The following TMEM178B variants were observed in gnomAD, a reference collection of about 807,000 sequenced individuals.
The protein encoded by TMEM178B is transmembrane protein 178B.
Under a neutral mutation model 31.0 loss-of-function variants are expected in TMEM178B, and 5 were observed. The observed-to-expected ratio is 0.16, with a 90% confidence interval of 0.08 to 0.34. TMEM178B has a LOEUF of 0.34. TMEM178B is among the 10% of genes least tolerant of loss of function. The pLI is 1.00. For missense variants in TMEM178B, 275 were observed against 400.3 expected (o/e 0.69, Z 2.67); for synonymous variants, 164 against 164.0 (o/e 1.00, Z 0.00).
chr7:141,437,644 C>A lies in TMEM178B; in HGVS notation c.533C>A (p.Ala178Glu). 2.0e-6 allele frequency: 3 copies of A among 1,536,160 alleles called. No individual in the cohort carries two copies. The highest frequency in any genetic ancestry group is 2.6e-6 in the Non-Finnish European group (3 of 1,146,904). The change falls in exon 3 of 4, where the codon GCG becomes GAG. Residue 178 changes from alanine (A) to glutamate (E), a missense_variant. Coordinates refer to ENST00000565468, the MANE Select transcript of TMEM178B (RefSeq NM_001195278.2). ...ATGACGGCTGGCTTCATGGGCATGG[C>A]GGTGGCCATCATCCTCTTTGGCTGG... is the stretch of plus-strand genomic sequence containing the variant. ...RRMTAGFMGM[A>E]VAIILFGWII... is the part of the protein sequence containing the mutation.
In TMEM178B at chr7:141,186,938, T is replaced by A. The variant is rs190556752; in HGVS notation, c.383-25653T>A. 4.1e-3 allele frequency among the ~76,000 whole-genome samples: 625 copies of A among 152,280 alleles called. 6 individuals are homozygous for A. The highest frequency in any genetic ancestry group is 8.3e-3 in the South Asian group (40 of 4,816). Reference sequence around the variant, plus strand: ...AGCTTCTTTGAGATGATGCTTTTTTTAAAAATTTTATTATTATTATACTTT... The same window carrying A: ...AGCTTCTTTGAGATGATGCTTTTTTAAAAAATTTTATTATTATTATACTTT... On this transcript the variant is annotated intron_variant, in intron 1 of 3. Coordinates refer to ENST00000565468, the MANE Select transcript of TMEM178B (RefSeq NM_001195278.2).
intron 1 of TMEM178B, among the ~76,000 whole-genome samples, chr7:141,108,435 A>C (rs888900096): frequency 3.3e-5 from 5 of 152,214 alleles, no homozygotes; most frequent in African/African-American, 1.2e-4. Flanking sequence ...CTATAGTAGC[A>C]GGAAAGAAAG....
intron 2 of TMEM178B, among the ~76,000 whole-genome samples, chr7:141,253,740 C>T (rs1407431373): frequency 2.0e-5 from 3 of 151,432 alleles, no homozygotes; most frequent in Non-Finnish European, 4.4e-5. Flanking sequence ...TTAGTAGAGA[C>T]GGGGTTTCAC....
At chr7:141,166,074 G>T (rs934716133) in intron 1 of TMEM178B, among the ~76,000 whole-genome samples, 6 of 152,190 alleles carry the variant, frequency 3.9e-5, no homozygotes, top group Non-Finnish European at 8.8e-5. Flanking sequence ...TCCTGAGGAA[G>T]AAAAAGCAGG....
At chr7:141,440,879 G>A (rs1801645010) in intron 3 of TMEM178B, among the ~76,000 whole-genome samples, 1 of 152,196 alleles carries the variant, frequency 6.6e-6, no homozygotes, top group Admixed American at 6.5e-5. Context: ...GTAAAGCCAT[G>A]TCTTCCTGAA....
downstream of TMEM178B, among the ~76,000 whole-genome samples, chr7:141,481,481 T>G (rs919874457): frequency 2.6e-5 from 4 of 151,354 alleles, no homozygotes; most frequent in African/African-American, 7.3e-5. Context: ...CAAGTGGGTG[T>G]GACATAAACC....
chr7:141,243,993 A>C (rs2129194022), intron 2 of TMEM178B, among the ~76,000 whole-genome samples: 1 of 152,264 alleles, frequency 6.6e-6, no homozygotes, highest in East Asian at 1.9e-4. Context: ...GAGCTGGTAG[A>C]AGAGGCAAAA....
the TMEM178B span, among the ~76,000 whole-genome samples, chr7:141,507,691 C>T: frequency 1.3e-5 from 2 of 152,190 alleles, no homozygotes; most frequent in Non-Finnish European, 2.9e-5. Context: ...TTATTGACTT[C>T]TGTGCACCCA....
chr7:141,184,217 A>G (rs748497969), intron 1 of TMEM178B, among the ~76,000 whole-genome samples: 2 of 152,180 alleles, frequency 1.3e-5, no homozygotes, highest in African/African-American at 4.8e-5. Flanking sequence ...ATCTTGAACA[A>G]TATTTTTCAC....
chr7:141,494,840 G>A, the TMEM178B span, among the ~76,000 whole-genome samples: 6 of 152,202 alleles, frequency 3.9e-5, no homozygotes, highest in Non-Finnish European at 8.8e-5. Flanking sequence ...TGTAGGCGCT[G>A]AGATAGTTAT....
At chr7:141,280,171 C>T (rs10276017) in intron 2 of TMEM178B, among the ~76,000 whole-genome samples, 8,079 of 152,234 alleles carry the variant, frequency 0.053, 261 homozygotes, top group Middle Eastern at 0.12. Flanking sequence ...TGGTGGACTC[C>T]CTGCTGGCTT....
chr7:141,218,780 C>T (rs1462898045), intron 2 of TMEM178B, among the ~76,000 whole-genome samples: 1 of 152,180 alleles, frequency 6.6e-6, no homozygotes, highest in Non-Finnish European at 1.5e-5. Context: ...GGGTCCTCCC[C>T]TCCCCACTGG....
At chr7:141,122,263 A>G (rs1795422409) in intron 1 of TMEM178B, among the ~76,000 whole-genome samples, 1 of 152,238 alleles carries the variant, frequency 6.6e-6, no homozygotes, top group Non-Finnish European at 1.5e-5. Context: ...TAGAAAAAAT[A>G]TGCCTTGAGG....
intron 2 of TMEM178B, among the ~76,000 whole-genome samples, chr7:141,390,467 A>G (rs1248406328): frequency 3.3e-5 from 5 of 152,206 alleles, no homozygotes; most frequent in Non-Finnish European, 5.9e-5. Context: ...GAATCAAGTG[A>G]GTTTTACTGG....
chr7:141,188,922 C>G (rs1796654468), intron 1 of TMEM178B, among the ~76,000 whole-genome samples: 1 of 152,246 alleles, frequency 6.6e-6, no homozygotes, highest in African/African-American at 2.4e-5. Flanking sequence ...TAGAAGGTGT[C>G]CCTGAATCCA....
At chr7:141,442,086 C>T (rs1338655096) in intron 3 of TMEM178B, among the ~76,000 whole-genome samples, 1 of 152,226 alleles carries the variant, frequency 6.6e-6, no homozygotes, top group African/African-American at 2.4e-5. Flanking sequence ...CAGGGAAAGA[C>T]TGCAGGCAAG....
chr7:141,223,821 G>C (rs1277408704), intron 2 of TMEM178B, among the ~76,000 whole-genome samples: 2 of 152,158 alleles, frequency 1.3e-5, no homozygotes, highest in African/African-American at 4.8e-5. Flanking sequence ...GAAATATTCT[G>C]TAAGTCTGTG....
intron 1 of TMEM178B, among the ~76,000 whole-genome samples, chr7:141,144,975 T>G (rs1795828907): frequency 1.3e-5 from 2 of 152,206 alleles, no homozygotes; most frequent in African/African-American, 4.8e-5. Flanking sequence ...GGGGAAATGC[T>G]GAGTCTGATG....
At chr7:141,409,484 G>T (rs1280285875) in intron 2 of TMEM178B, among the ~76,000 whole-genome samples, 1 of 152,216 alleles carries the variant, frequency 6.6e-6, no homozygotes, top group Non-Finnish European at 1.5e-5. Flanking sequence ...GCAGTGAGTT[G>T]TGAGGATTAC....
Sources: allele counts gnomAD v4.1 joint callset (sites outside exome capture counted in the v4.1 genomes callset), GRCh38; gene constraint gnomAD v4.1.1; transcripts MANE v1.5; gene names NCBI Gene and HGNC (gene_info 2026-07-23, HGNC 2026-07-21).